Variants in GRK4 observed in about 807,000 individuals in gnomAD.
The protein encoded by GRK4 is G protein-coupled receptor kinase 4.
In GRK4, 73 loss-of-function variants were observed where a neutral mutation model predicts 77.9. The ratio of observed to expected loss-of-function variants is 0.94; its 90% CI spans 0.78 to 1.14. GRK4 has a LOEUF of 1.14. Ranked by LOEUF, GRK4 falls within the 50% of genes most tolerant of loss-of-function variation. The pLI is 0.00. For missense variants in GRK4, 729 were observed against 700.2 expected (o/e 1.04, Z -0.46); for synonymous variants, 257 against 254.4 (o/e 1.01, Z -0.10).
At chr4:2,991,637 G>A (rs1026116040) in intron 3 of GRK4, among the ~76,000 whole-genome samples, 18 of 152,120 alleles carry the variant, frequency 1.2e-4, no homozygotes, top group African/African-American at 3.9e-4. Context: ...TCAGCCTCTT[G>A]AGTAGCTAGG....
At chr4:2,971,237 T>C (rs1396532672) in intron 1 of GRK4, 1 of 152,228 alleles carries the variant, frequency 6.6e-6, no homozygotes, top group South Asian at 2.1e-4. Context: ...TTAATTGATA[T>C]GCAAATTACT....
At chr4:3,001,978 T>G (rs1308014514) in intron 4 of GRK4, among the ~76,000 whole-genome samples, 1 of 152,190 alleles carries the variant, frequency 6.6e-6, no homozygotes, top group East Asian at 1.9e-4. Flanking sequence ...TGTTTCCTTT[T>G]TCCAGAATTC....
chr4:3,020,340 G>A (rs1380164939), intron 9 of GRK4, among the ~76,000 whole-genome samples: 2 of 152,034 alleles, frequency 1.3e-5, no homozygotes, highest in Non-Finnish European at 2.9e-5. Context: ...TGAAGCAGAA[G>A]TTTGTTTTTT....
chr4:3,029,420 C>T lies in GRK4; in HGVS notation c.1269+11C>T, dbSNP rs779148980. On this transcript the variant is annotated intron_variant, in intron 12 of 15. Coordinates refer to ENST00000398052, the MANE Select transcript of GRK4 (RefSeq NM_182982.3). ...TCTATCTGCAGGATGGTAAGTCAGG[C>T]TCTGTAGAGGCTGGGAAATGGCACT... The T allele has an allele frequency of 3.7e-6, 6 of 1,606,204 alleles. No individual in the cohort carries two copies. Among genetic ancestry groups the T allele is most frequent in the Middle Eastern group, 3.3e-4 (2 of 6,044 alleles).
Position 2,988,852 on chromosome 4 carries a change from T to C in GRK4, c.261+13T>C, listed in dbSNP as rs761707075. 2 of 1,476,290 alleles carry C rather than the reference T, an allele frequency of 1.4e-6. No homozygotes were observed. The highest frequency in any genetic ancestry group is 1.9e-6 in the Non-Finnish European group (2 of 1,054,624). 91.4% of individuals were successfully genotyped at this position (1,476,290 alleles called of 1,614,324 possible). ...CTTGGATGCAGTGGTGAGCAGTTTA[T>C]CTCCATATTGAGCAACCACCCAATC... On this transcript the variant is annotated intron_variant, in intron 3 of 15. Coordinates refer to ENST00000398052, the MANE Select transcript of GRK4 (RefSeq NM_182982.3).
intron 2 of GRK4, among the ~76,000 whole-genome samples, chr4:2,986,425 C>T (rs976532169): frequency 7.9e-5 from 11 of 140,052 alleles, no homozygotes; most frequent in East Asian, 2.1e-4. Context: ...GGCATGATCT[C>T]GGCTCACTGC....
intron 8 of GRK4, among the ~76,000 whole-genome samples, chr4:3,018,724 A>G (rs1294498115): frequency 6.6e-6 from 1 of 152,120 alleles, no homozygotes; most frequent in Admixed American, 6.5e-5. Context: ...CTATAAATAC[A>G]AAAATTAGCC....
At chr4:3,019,609 G>A (rs765892881) in intron 8 of GRK4, 32 bp from the exon 9 acceptor site, 17 of 1,540,848 alleles carry the variant, frequency 1.1e-5, no homozygotes, top group Admixed American at 1.9e-5. Context: ...GAGCAAGTTC[G>A]TGTTCTGTTT....
At chr4:3,028,165 C>G (rs1738125948) in intron 11 of GRK4, among the ~76,000 whole-genome samples, 164 bp downstream of exon 11, 1 of 152,182 alleles carries the variant, frequency 6.6e-6, no homozygotes, top group South Asian at 2.1e-4. Flanking sequence ...GTTGAGGCTG[C>G]TGGGGATCCT....
intron 3 of GRK4, among the ~76,000 whole-genome samples, chr4:2,989,597 G>A (rs1258934032): frequency 2.0e-5 from 3 of 152,096 alleles, no homozygotes; most frequent in African/African-American, 4.8e-5. Flanking sequence ...CACTGTGCCC[G>A]GCTCTAAGAT....
At chr4:3,037,083 A>C (rs2071690) in intron 13 of GRK4, among the ~76,000 whole-genome samples, 1 of 140,148 alleles carries the variant, frequency 7.1e-6, no homozygotes, top group Non-Finnish European at 1.6e-5. Context: ...GTGTGTGTGT[A>C]TGTGTGTGTG....
intron 5 of GRK4, among the ~76,000 whole-genome samples, chr4:3,005,522 G>T (rs1457739671): frequency 6.6e-6 from 1 of 152,142 alleles, no homozygotes; most frequent in East Asian, 1.9e-4. Flanking sequence ...TAACACACAG[G>T]CCGGGCGCGG....
At chr4:2,992,515 A>G (rs1324060174) in intron 4 of GRK4, among the ~76,000 whole-genome samples, 1 of 151,946 alleles carries the variant, frequency 6.6e-6, no homozygotes, top group Non-Finnish European at 1.5e-5. Flanking sequence ...CCATCTCTAC[A>G]AAAAAATAAA....
At chr4:2,982,991 C>T (rs187686196) in intron 1 of GRK4, among the ~76,000 whole-genome samples, 1 of 152,318 alleles carries the variant, frequency 6.6e-6, no homozygotes, top group East Asian at 1.9e-4. Context: ...CTAGGGTGAA[C>T]ATGTTGAATG....
chr4:3,038,771 C>T (rs1358164354), intron 15 of GRK4: 3 of 410,786 alleles, frequency 7.3e-6, no homozygotes, highest in African/African-American at 2.0e-5. Context: ...AACAGGTTCC[C>T]GTGTCGCTGA....
chr4:3,037,582 TCC>T (rs1741120509), intron 14 of GRK4, 71 bp downstream of exon 14: 14 of 1,504,482 alleles, frequency 9.3e-6, no homozygotes, highest in African/African-American at 4.4e-5. Flanking sequence ...TGTGTGTGTG[TCC>T]GTGTGTGTGT....
intron 13 of GRK4, among the ~76,000 whole-genome samples, chr4:3,036,844 A>G (rs1243794976): frequency 6.6e-6 from 1 of 152,178 alleles, no homozygotes; most frequent in Non-Finnish European, 1.5e-5. Context: ...GTGCTTTGCC[A>G]GGAGTGCACC....
chr4:2,991,303 C>T (rs1327559591), intron 3 of GRK4, among the ~76,000 whole-genome samples: 1 of 152,174 alleles, frequency 6.6e-6, no homozygotes, highest in African/African-American at 2.4e-5. Flanking sequence ...GATTATCTAG[C>T]ATAATCTCCT....
rs1725214942 is a variant in GRK4 at position 2,988,769 on chromosome 4, GACGTCTCTTCA to G, written c.192_202del (p.Arg65AlafsTer4). 6.2e-7 allele frequency: 1 copy of G among 1,613,246 alleles called. No homozygotes were observed. Among genetic ancestry groups the G allele is most frequent in the Non-Finnish European group, 8.5e-7 (1 of 1,179,404 alleles). ...CTTTGTGACAAGCAACCGATAGGAAGACGTCTCTTCAGGCAGTTCTGTGATACCAAACCCAC... is the reference window on the plus strand; with the variant it reads ...CTTTGTGACAAGCAACCGATAGGAAGGGCAGTTCTGTGATACCAAACCCAC... On this transcript the variant is annotated frameshift_variant, in exon 3 of 16. Transcript: ENST00000398052. LOFTEE classifies it high-confidence loss of function.
Sources: gnomAD v4.1 joint callset for allele counts (sites outside exome capture counted in the v4.1 genomes callset) on GRCh38, gnomAD v4.1.1 for gene constraint, MANE v1.5 for transcripts, NCBI Gene and HGNC (gene_info 2026-07-23, HGNC 2026-07-21) for gene names.